GATAD2B: variants seen among roughly 807,000 people sequenced by gnomAD.
GATAD2B encodes transcriptional repressor p66-beta.
GATAD2B carries 8 observed loss-of-function variants against 64.3 expected under a neutral mutation model. The observed-to-expected ratio is 0.12, with a 90% CI of 0.07 to 0.22. GATAD2B has a LOEUF of 0.22. Among genes scored for constraint, GATAD2B ranks in the 10% least tolerant of loss-of-function variants. The pLI, the probability that GATAD2B is intolerant of heterozygous loss-of-function variation, is 1.00. For missense variants in GATAD2B, 453 were observed against 752.0 expected, an observed-to-expected ratio of 0.60 and a Z score of 4.65; for synonymous variants, 281 against 271.3, an observed-to-expected ratio of 1.04 and a Z score of -0.35.
rs185993421 is a variant in GATAD2B, at chr1:153,851,520, T to A, written c.-1-23172A>T. ...TTTCATTGTGGTTTTGATGTGTACT[T>A]CTCTGATGATTAGCAATGTTGAGCA... On this transcript the variant is annotated intron_variant, in intron 1 of 10. Coordinates refer to ENST00000368655, the MANE Select transcript of GATAD2B (RefSeq NM_020699.4). 2.4e-3 allele frequency among the ~76,000 whole-genome samples: 363 copies of A among 152,306 alleles called. 6 individuals are homozygous for A. Among genetic ancestry groups the A allele is most frequent in the South Asian group, 0.019 (91 of 4,822 alleles).
intron 1 of GATAD2B, among the ~76,000 whole-genome samples, chr1:153,863,620 TTC>T (rs1407364092): frequency 6.6e-6 from 1 of 151,848 alleles, no homozygotes; most frequent in Non-Finnish European, 1.5e-5. Context: ...TCTATAAAAA[TTC>T]TGTTTTTCTT....
intron 7 of GATAD2B, among the ~76,000 whole-genome samples, chr1:153,815,093 A>AAAAAC (rs1412259855): frequency 1.4e-5 from 2 of 141,734 alleles, no homozygotes; most frequent in Admixed American, 7.1e-5. Context: ...AAAAAAAAAA[A>AAAAAC]AAAAAAAAAA....
At chr1:153,890,392 G>T (rs1292046177) in intron 1 of GATAD2B, among the ~76,000 whole-genome samples, 1 of 139,522 alleles carries the variant, frequency 7.2e-6, no homozygotes, top group Admixed American at 7.3e-5. Context: ...GGAGGCTGAG[G>T]CAGAAGAATC....
chr1:153,905,068 A>G (rs564258966), intron 1 of GATAD2B, among the ~76,000 whole-genome samples: 2 of 151,960 alleles, frequency 1.3e-5, no homozygotes, highest in Admixed American at 6.6e-5. Flanking sequence ...CTGGTCTCGA[A>G]CTCCTGACCT....
At chr1:153,863,219 G>A (rs762033530) in intron 1 of GATAD2B, among the ~76,000 whole-genome samples, 67 of 152,182 alleles carry the variant, frequency 4.4e-4, no homozygotes, top group Non-Finnish European at 6.6e-4. Flanking sequence ...GGTGGCTCAC[G>A]CCTGTGACCC....
chr1:153,820,437 T>TA lies in GATAD2B; in HGVS notation c.336-703dup, dbSNP rs1674637845. Among the ~76,000 whole-genome samples the TA allele has an allele frequency of 2.0e-5, 3 of 152,198 alleles. No homozygotes were observed. The South Asian group carries it at 6.2e-4, about 32-fold the overall frequency. The stretch of plus-strand genomic sequence containing the variant: ...CATCATGCTTATTTGTGTAAGATGA[T>TA]AAAAAATGGCACATACTGCTTAAGA... On this transcript the variant is annotated intron_variant, in intron 2 of 10. Transcript: ENST00000368655.
chr1:153,810,778 A>T (rs1674266808), intron 10 of GATAD2B, among the ~76,000 whole-genome samples: 1 of 148,736 alleles, frequency 6.7e-6, no homozygotes, highest in Non-Finnish European at 1.5e-5. Flanking sequence ...TTGCTTATTT[A>T]TCTGAGACAG....
chr1:153,827,305 C>T (rs1159104713), intron 2 of GATAD2B, among the ~76,000 whole-genome samples: 18 of 151,118 alleles, frequency 1.2e-4, no homozygotes, highest in Admixed American at 1.2e-3. Context: ...AAAAAAACCC[C>T]AACTAGGGTT....
intron 1 of GATAD2B, among the ~76,000 whole-genome samples, chr1:153,892,163 C>CA (rs900308080): frequency 0.06 from 2,954 of 49,600 alleles, 195 homozygotes; most frequent in African/African-American, 0.15. Flanking sequence ...GACTCCGTCT[C>CA]AAAAAAAAAA....
Position 153,861,974 on chromosome 1 carries a change from G to A in GATAD2B, c.-1-33626C>T, listed in dbSNP as rs559684077. 2.0e-5 allele frequency among the ~76,000 whole-genome samples: 3 copies of A among 150,336 alleles called. No individual in the cohort carries two copies. In the Admixed American group the frequency reaches 2.0e-4, roughly 10 times the overall value. ...AAACAATTCCGCATACTGCAACCTTGTGGCTAATATACATGTGAATAATAA... is the reference window on the plus strand; with the variant it reads ...AAACAATTCCGCATACTGCAACCTTATGGCTAATATACATGTGAATAATAA... On this transcript the variant is annotated intron_variant, in intron 1 of 10. Transcript: ENST00000368655.
chr1:153,821,627 C>T lies in GATAD2B; in HGVS notation c.336-1892G>A, dbSNP rs575028554. Among the ~76,000 whole-genome samples the T allele has an allele frequency of 1.9e-4, 29 of 151,984 alleles. 1 individual carries two copies. The South Asian group carries it at 3.7e-3, about 20-fold the overall frequency. On this transcript the variant is annotated intron_variant, in intron 2 of 10. Coordinates refer to ENST00000368655, the MANE Select transcript of GATAD2B (RefSeq NM_020699.4). The stretch of plus-strand genomic sequence containing the variant: ...TGTCGCCCAGGCTGGAGTGCAATGG[C>T]GCGATCTCGGCTCACTGGAACCTCC...
chr1:153,816,769 A>T lies in GATAD2B; in HGVS notation c.901-181T>A, dbSNP rs181234580. Reference sequence around the variant, plus strand: ...CACATAGGAAAGGAGAATGATGATGACCATGAGCTAACATTGCTAAGAGAG... The same window carrying T: ...CACATAGGAAAGGAGAATGATGATGTCCATGAGCTAACATTGCTAAGAGAG... On this transcript the variant is annotated intron_variant, in intron 6 of 10. Coordinates refer to ENST00000368655, the MANE Select transcript of GATAD2B (RefSeq NM_020699.4). This position sits in a 1 kb window ranked among gnomAD's most constrained non-coding sequence, Gnocchi z 4.9. 1.3e-3 allele frequency among the ~76,000 whole-genome samples: 201 copies of T among 152,294 alleles called. No individual in the cohort carries two copies. The highest frequency in any genetic ancestry group is 4.6e-3 in the African/African-American group (193 of 41,568).
In GATAD2B at chr1:153,836,273, T is replaced by G. The variant is rs1331913964; in HGVS notation, c.-1-7925A>C. 2.0e-5 allele frequency among the ~76,000 whole-genome samples: 3 copies of G among 150,738 alleles called. 1 individual carries two copies. Among genetic ancestry groups the G allele is most frequent in the Non-Finnish European group, 4.4e-5 (3 of 67,578 alleles). The stretch of plus-strand genomic sequence containing the variant: ...TCTAAAAAAAAATTTGTTTTTTTTT[T>G]TTTTTTTTTAGACAGTCTGTCACCC... On this transcript the variant is annotated intron_variant, in intron 1 of 10. Coordinates refer to ENST00000368655, the MANE Select transcript of GATAD2B (RefSeq NM_020699.4).
At chr1:153,916,855 C>CTAGA (rs1678281109) in intron 1 of GATAD2B, among the ~76,000 whole-genome samples, 1 of 152,144 alleles carries the variant, frequency 6.6e-6, no homozygotes, top group Admixed American at 6.5e-5. Flanking sequence ...GTTGACCAGG[C>CTAGA]TAGAGCACAG....
intron 6 of GATAD2B, 68 bp downstream of exon 6, chr1:153,817,304 C>A: frequency 7.1e-7 from 1 of 1,408,468 alleles, no homozygotes; most frequent in Admixed American, 2.6e-5. Flanking sequence ...AAACCTATGG[C>A]CCTTTCGACA....
intron 1 of GATAD2B, among the ~76,000 whole-genome samples, chr1:153,859,193 T>C (rs1676187486): frequency 6.6e-6 from 1 of 151,940 alleles, no homozygotes; most frequent in African/African-American, 2.4e-5. Context: ...CAAGATTCCA[T>C]TTCCACTAAA....
chr1:153,845,461 G>A (rs11803203), intron 1 of GATAD2B, among the ~76,000 whole-genome samples: 1 of 152,020 alleles, frequency 6.6e-6, no homozygotes, highest in South Asian at 2.1e-4. Flanking sequence ...TAAAACATTA[G>A]GCTGGGCGTG....
chr1:153,814,323 TG>T (rs1454772116), intron 7 of GATAD2B, among the ~76,000 whole-genome samples: 2 of 152,244 alleles, frequency 1.3e-5, no homozygotes, highest in Non-Finnish European at 2.9e-5. Context: ...GACTGTATGT[TG>T]TTAATACTCT....
intron 1 of GATAD2B, among the ~76,000 whole-genome samples, chr1:153,898,318 AAAAAAGAAAAAAAGAAAAAAGAAAAAC>A (rs1677664207): frequency 2.0e-5 from 3 of 148,998 alleles, no homozygotes; most frequent in African/African-American, 7.6e-5. Context: ...AAAAAAAAAA[AAAAAAGAAAAAAAGAAAAAAGAAAAAC>A]AAAAACAAAA....
Sources: gnomAD v4.1 joint callset for allele counts (sites outside exome capture counted in the v4.1 genomes callset) on GRCh38, gnomAD v4.1.1 for gene constraint, Gnocchi (gnomAD v3.1) non-coding constraint, MANE v1.5 for transcripts, NCBI Gene and HGNC (gene_info 2026-07-23, HGNC 2026-07-21) for gene names.